PTGER3: variants seen among roughly 807,000 people sequenced by gnomAD.
PTGER3 encodes the protein prostaglandin E receptor 3.
PTGER3 carries 22 observed loss-of-function variants against 34.7 expected under a neutral mutation model. The ratio of observed to expected loss-of-function variants is 0.63; its 90% confidence interval spans 0.45 to 0.91. The LOEUF (loss-of-function observed/expected upper bound fraction) is 0.91, where lower values mean the gene tolerates loss of function less well. PTGER3 is among the 40% of genes least tolerant of loss of function. The pLI is 0.00. For synonymous variants in PTGER3, 241 were observed against 230.1 expected (o/e 1.05, Z -0.43); for missense variants, 468 against 519.4 (o/e 0.90, Z 0.96).
intron 2 of PTGER3, among the ~76,000 whole-genome samples, chr1:70,985,548 C>T (rs1409660232): frequency 1.3e-5 from 2 of 152,092 alleles, no homozygotes; most frequent in Non-Finnish European, 2.9e-5. Context: ...AGGGCAGTCA[C>T]AATCCAGGCA....
intron 1 of PTGER3, among the ~76,000 whole-genome samples, chr1:71,023,718 T>C (rs995916752): frequency 6.6e-6 from 1 of 151,870 alleles, no homozygotes; most frequent in Non-Finnish European, 1.5e-5. Flanking sequence ...CTTGATTCAT[T>C]TCTCTGTGTG....
chr1:70,920,946 C>T (rs1308984589), intron 4 of PTGER3, among the ~76,000 whole-genome samples: 1 of 152,172 alleles, frequency 6.6e-6, no homozygotes, highest in Non-Finnish European at 1.5e-5. Context: ...TACAAATAAA[C>T]TAATTACAGA....
intron 2 of PTGER3, among the ~76,000 whole-genome samples, chr1:70,996,547 G>A (rs898198232): frequency 3.3e-5 from 5 of 151,872 alleles, no homozygotes; most frequent in Non-Finnish European, 4.4e-5. Context: ...TGCAAGCTCC[G>A]CCTCGTGGGT....
At chr1:70,990,357 A>G (rs1006754004) in intron 2 of PTGER3, among the ~76,000 whole-genome samples, 1 of 92,916 alleles carries the variant, frequency 1.1e-5, no homozygotes, top group African/African-American at 3.8e-5. Context: ...ACTGTCTCAC[A>G]CACACACACA....
intron 4 of PTGER3, among the ~76,000 whole-genome samples, chr1:70,858,733 T>G (rs1307496472): frequency 6.6e-6 from 1 of 152,234 alleles, no homozygotes; most frequent in Admixed American, 6.5e-5. Context: ...CCAGGACCTG[T>G]GTTCTTTCTC....
At chr1:70,929,866 G>C (rs1234375439) in intron 4 of PTGER3, among the ~76,000 whole-genome samples, 1 of 152,074 alleles carries the variant, frequency 6.6e-6, no homozygotes, top group African/African-American at 2.4e-5. Context: ...CAAGAAAAAA[G>C]GAAATTAACT....
At chr1:70,958,653 C>A (rs886887586) in intron 2 of PTGER3, among the ~76,000 whole-genome samples, 3 of 152,092 alleles carry the variant, frequency 2.0e-5, no homozygotes, top group Non-Finnish European at 2.9e-5. Context: ...TGATCATTTC[C>A]TTTGCTGTAC....
At chr1:71,036,802 G>C (rs1035272118) in intron 1 of PTGER3, among the ~76,000 whole-genome samples, 1 of 151,306 alleles carries the variant, frequency 6.6e-6, no homozygotes, top group African/African-American at 2.4e-5. Flanking sequence ...TCGTGCTACT[G>C]TACTCCAGCC....
chr1:71,009,824 GAC>G, intron 2 of PTGER3: 1 of 985,086 alleles, frequency 1.0e-6, no homozygotes, highest in South Asian at 4.7e-5. Flanking sequence ...ATTAAACTTA[GAC>G]ACGTCTTTCT....
At chr1:70,879,664 A>T (rs911982448) in intron 4 of PTGER3, among the ~76,000 whole-genome samples, 4 of 151,834 alleles carry the variant, frequency 2.6e-5, no homozygotes, top group African/African-American at 9.7e-5. Flanking sequence ...CTGTTCCTTT[A>T]CTTTGAATCT....
intron 1 of PTGER3, among the ~76,000 whole-genome samples, chr1:71,037,844 GTTC>G (rs1349289405): frequency 6.6e-6 from 1 of 152,146 alleles, no homozygotes; most frequent in South Asian, 2.1e-4. Flanking sequence ...ACTTTCTTCT[GTTC>G]TTCTTATGAA....
At chr1:71,024,001 C>T (rs774570085) in intron 1 of PTGER3, among the ~76,000 whole-genome samples, 1 of 149,886 alleles carries the variant, frequency 6.7e-6, no homozygotes, top group Non-Finnish European at 1.5e-5. Flanking sequence ...AAATTTTAAT[C>T]TTGTTATTCC....
rs766690696 is a variant in PTGER3, at chr1:71,046,941, C to A, written c.637G>T (p.Gly213Trp). 2.5e-6 allele frequency: 4 copies of A among 1,606,996 alleles called. No individual in the cohort carries two copies. Among genetic ancestry groups the A allele is most frequent in the Middle Eastern group, 1.8e-4 (1 of 5,676 alleles). Residue 213 changes from glycine to tryptophan, a missense_variant, in exon 1 of 4, where the codon GGG becomes TGG. Physicochemically the swap from Gly to Trp is radical, Grantham distance 184. Coordinates refer to ENST00000306666, the MANE Select transcript of PTGER3 (RefSeq NM_198719.2). The part of the protein sequence containing the change: ...WPGTWCFIST[G>W]RGGNGTSSSH... ...GAGCTAGTCCCGTTGCCCCCTCGCC[C>A]GGTGCTGATGAAGCACCACGTCCCG...
chr1:70,971,430 G>A lies in PTGER3; in HGVS notation c.*300C>T. ...AGGTTTGAAGTTGGAGAAAACTCCT[G>A]GAACACAGGTCTTTCTTTTCATCAC... On this transcript the variant is annotated 3_prime_UTR_variant, in exon 4 of 4. Transcript: ENST00000306666. 2 of 1,097,412 alleles carry A rather than the reference G, an allele frequency of 1.8e-6. No individual in the cohort carries two copies. The highest frequency in any genetic ancestry group is 5.4e-5 in the East Asian group (1 of 18,536). 68.0% of individuals were successfully genotyped at this position (1,097,412 alleles called of 1,614,324 possible). A position where few individuals can be genotyped will look rare whatever the true frequency, so the allele number is the denominator to read the frequency against.
exon 5 of PTGER3, chr1:70,852,774 T>G (rs370234735): frequency 5.1e-6 from 8 of 1,578,912 alleles, no homozygotes; most frequent in Non-Finnish European, 7.0e-6. Flanking sequence ...CTGTGATTTT[T>G]TTTTCTTTTA....
chr1:70,983,701 T>A (rs1035233881), intron 2 of PTGER3, among the ~76,000 whole-genome samples: 2 of 152,164 alleles, frequency 1.3e-5, no homozygotes, highest in African/African-American at 2.4e-5. Flanking sequence ...TCCTGCCTTA[T>A]CTTTTATGTG....
At chr1:70,943,495 G>A (rs1649940644) in intron 4 of PTGER3, among the ~76,000 whole-genome samples, 1 of 152,044 alleles carries the variant, frequency 6.6e-6, no homozygotes, top group South Asian at 2.1e-4. Flanking sequence ...TTTATAGCAG[G>A]AACAAGATCT....
chr1:70,973,202 TGATA>T (rs200787107), intron 3 of PTGER3, among the ~76,000 whole-genome samples: 5,916 of 143,736 alleles, frequency 0.041, 187 homozygotes, highest in East Asian at 0.098. Context: ...TATAGATAGA[TGATA>T]GATAGATAGA....
At chr1:70,952,615 G>A (rs965095977) in exon 4 of PTGER3, 5 of 1,041,888 alleles carry the variant, frequency 4.8e-6, no homozygotes, top group African/African-American at 3.4e-5. Context: ...TTACCAGCAT[G>A]CATATGAAAA....
Sources: gnomAD v4.1 joint callset for allele counts (sites outside exome capture counted in the v4.1 genomes callset) on GRCh38, gnomAD v4.1.1 for gene constraint, MANE v1.5 for transcripts, NCBI Gene and HGNC (gene_info 2026-07-23, HGNC 2026-07-21) for gene names.